Variants in MXRA5 observed in about 807,000 individuals in gnomAD.
MXRA5 encodes matrix remodeling associated 5, also known as matrix-remodeling-associated protein 5.
Under a neutral mutation model 112.5 loss-of-function variants are expected in MXRA5, and 41 were observed. The observed-to-expected ratio is 0.36, with a 90% confidence interval of 0.28 to 0.47. MXRA5 has a LOEUF of 0.47. Among genes scored for constraint, MXRA5 ranks in the 20% least tolerant of loss-of-function variants. The probability of loss-of-function intolerance (pLI) is 0.99; values close to 1 mark genes in which losing one functional copy is unlikely to be tolerated. For synonymous variants in MXRA5, 862 were observed against 900.8 expected, an observed-to-expected ratio of 0.96 and a Z score of 0.77; for missense variants, 2,150 against 2,251.0, an observed-to-expected ratio of 0.96 and a Z score of 0.91.
Position 3,320,000 on chromosome X carries a change from C to T in MXRA5, c.5677+8G>A. On this transcript the variant is annotated splice_region_variant and intron_variant, in intron 5 of 6. Coordinates refer to ENST00000217939, the MANE Select transcript of MXRA5 (RefSeq NM_015419.4). ...AAAAAAAAAAAAGTAGATGCTTAAA[C>T]ATCTTACCTGTGGAAACCTTTGTCC... The T allele has an allele frequency of 6.2e-6, 7 of 1,136,041 alleles. No homozygotes were observed. The South Asian group carries it at 6.3e-5, about 10-fold the overall frequency. The allele number at this position is 1,136,041 out of a possible 1,213,427, so 93.6% of individuals were successfully genotyped here. A position where few individuals can be genotyped will look rare whatever the true frequency, so the allele number is the denominator to read the frequency against.
chrX:3,312,660 C>A (rs181136019), intron 6 of MXRA5, among the ~76,000 whole-genome samples: 11 of 108,784 alleles, frequency 1.0e-4, no homozygotes, highest in Middle Eastern at 4.8e-3. Flanking sequence ...CTCTTGGACT[C>A]AAGGGACACT....
Position 3,310,597 on chromosome X carries a change from G to C in MXRA5, c.7606C>G (p.Leu2536Val), listed in dbSNP as rs769844607. ...AAGATGGGTTTCTCCATGGGCTCCAGGACAGTGAGCTGCAGGATCAACCTG... is the reference window on the plus strand; with the variant it reads ...AAGATGGGTTTCTCCATGGGCTCCACGACAGTGAGCTGCAGGATCAACCTG... Reference protein sequence around the residue: ...EARLILQLTVLEPMEKPIFHD... With the variant: ...EARLILQLTVVEPMEKPIFHD... Residue 2536 changes from leucine (L) to valine (V), a missense_variant, in exon 7 of 7, where the codon CTG becomes GTG. Around this residue, in one of 6 missense-constraint regions of MXRA5, gnomAD observed 93 missense variants for 135.5 expected, o/e 0.69. Coordinates refer to ENST00000217939, the MANE Select transcript of MXRA5 (RefSeq NM_015419.4). 5 of 929,703 alleles carry C rather than the reference G, an allele frequency of 5.4e-6. No homozygotes were observed. In the African/African-American group the frequency reaches 8.3e-5, roughly 15 times the overall value. The allele number at this position is 929,703 out of a possible 1,213,427, so 76.6% of individuals were successfully genotyped here.
chrX:3,325,830 T>C (rs1439459483), intron 4 of MXRA5, among the ~76,000 whole-genome samples: 1 of 63,408 alleles, frequency 1.6e-5, no homozygotes, highest in Non-Finnish European at 3.5e-5. Context: ...AAATATATAA[T>C]AATATATTTA....
chrX:3,318,583 G>T (rs764027018), intron 5 of MXRA5, among the ~76,000 whole-genome samples: 6 of 112,510 alleles, frequency 5.3e-5, no homozygotes, highest in Non-Finnish European at 1.1e-4. Context: ...TACACTGTTG[G>T]TGGGAATGTA....
intron 2 of MXRA5, among the ~76,000 whole-genome samples, chrX:3,340,029 A>G (rs766891261): frequency 1.8e-5 from 2 of 108,891 alleles, no homozygotes; most frequent in Non-Finnish European, 3.8e-5. Context: ...GAAAGGCATC[A>G]TCAAAACCAG....
Position 3,330,343 on chromosome X carries a change from G to A in MXRA5, c.384C>T (p.Asn128=). Residue 128 remains asparagine (N), a synonymous_variant, in exon 4 of 7, where the codon AAC becomes AAT. Transcript: ENST00000217939. ...TGTGGTCAATGTGCAGCCTCATTAA[G>A]TTAGAGAGACCCTGGAGGGTCTGTC... ...ITGQTLQGLS[N]LMRLHIDHNK... The A allele has an allele frequency of 8.3e-7, 1 of 1,210,602 alleles. No homozygotes were observed. Among genetic ancestry groups the A allele is most frequent in the Non-Finnish European group, 1.1e-6 (1 of 894,867 alleles).
Position 3,324,208 on chromosome X carries a change from C to G in MXRA5, c.1477G>C (p.Glu493Gln), listed in dbSNP as rs867295958. The G allele has an allele frequency of 8.3e-7, 1 of 1,209,835 alleles. No homozygotes were observed. Among genetic ancestry groups the G allele is most frequent in the Admixed American group, 2.2e-5 (1 of 45,676 alleles). The change falls in exon 5 of 7, where the codon GAA becomes CAA. Residue 493 changes from glutamate (E) to glutamine (Q), a missense_variant. This residue lies in a region of MXRA5 where 386 missense variants were observed against 411.0 expected (regional missense o/e 0.94). Transcript: ENST00000217939. ...CAGCTCAACTGGCATGGACCCCCTTCCAGGACAGTCTGATCTCTTTGCACA... is the reference window on the plus strand; with the variant it reads ...CAGCTCAACTGGCATGGACCCCCTTGCAGGACAGTCTGATCTCTTTGCACA... The part of the protein sequence containing the change: ...GAVQRDQTVL[E>Q]GGPCQLSCNV...
intron 2 of MXRA5, among the ~76,000 whole-genome samples, chrX:3,333,949 G>A (rs1044186271): frequency 4.5e-5 from 5 of 111,304 alleles, no homozygotes; most frequent in African/African-American, 1.6e-4. Context: ...GTAGACGTGA[G>A]ATCCTTAGAG....
intron 2 of MXRA5, among the ~76,000 whole-genome samples, chrX:3,332,968 CA>C (rs964839955): frequency 8.1e-5 from 9 of 110,757 alleles, no homozygotes; most frequent in African/African-American, 9.9e-5. Context: ...ACCTAAACCC[CA>C]TGAAGCAGGC....
At position 3,310,119 on chromosome X, in the gene MXRA5, G is replaced by T. The variant is rs752300445; in HGVS notation, c.8084C>A (p.Thr2695Asn). 1.7e-6 allele frequency: 2 copies of T among 1,211,643 alleles called. No homozygotes were observed. The highest frequency in any genetic ancestry group is 2.2e-6 in the Non-Finnish European group (2 of 895,358). Residue 2695 changes from threonine (T) to asparagine (N), a missense_variant, in exon 7 of 7, where the codon ACC (threonine) becomes AAC (asparagine). Around this residue, in one of 6 missense-constraint regions of MXRA5, gnomAD observed 178 missense variants for 198.2 expected, o/e 0.90. Coordinates refer to ENST00000217939, the MANE Select transcript of MXRA5 (RefSeq NM_015419.4). ...LGRVSLLDNG[T>N]LTVREASVFD... is the part of the protein sequence containing the mutation. ...CACCGAGGCCTCACGAACCGTGAGGGTGCCATTGTCCAGAAGAGAAACGCG... is the reference window on the plus strand; with the variant it reads ...CACCGAGGCCTCACGAACCGTGAGGTTGCCATTGTCCAGAAGAGAAACGCG...
chrX:3,312,683 T>A (rs1402069298), intron 6 of MXRA5, among the ~76,000 whole-genome samples: 1 of 109,626 alleles, frequency 9.1e-6, no homozygotes, highest in Non-Finnish European at 1.9e-5. Flanking sequence ...CATCTCAGCC[T>A]CCTGAGTAGC....
rs1480820140 is a variant in MXRA5 at position 3,320,880 on chromosome X, G to A, written c.4805C>T (p.Ser1602Phe). The A allele has an allele frequency of 2.5e-6, 3 of 1,210,139 alleles. No individual in the cohort carries two copies. In the African/African-American group the frequency reaches 5.2e-5, roughly 21 times the overall value. Reference sequence around the variant, plus strand: ...GGCAGGGACTCTGGTTAGTTGATGAGAAGCATGAACTCTTCCATCCTGGCG... The same window carrying A: ...GGCAGGGACTCTGGTTAGTTGATGAAAAGCATGAACTCTTCCATCCTGGCG... Reference protein sequence around the residue: ...SQRQDGRVHASHQLTRVPAKP... With the variant: ...SQRQDGRVHAFHQLTRVPAKP... The change falls in exon 5 of 7, where the codon TCT (serine) becomes TTT (phenylalanine). Residue 1602 changes from serine to phenylalanine, a missense_variant. Transcript: ENST00000217939.
rs146100135 is a variant in MXRA5, at chrX:3,321,424, C to T, written c.4261G>A (p.Glu1421Lys). ...KELEDVDFTSEFLSSLTVSTP... is the reference protein window; with the variant it reads ...KELEDVDFTSKFLSSLTVSTP... ...GAGACTGTCAAAGAGGACAAAAACTCGGAAGTGAAATCCACATCCTCAAGC... is the reference window on the plus strand; with the variant it reads ...GAGACTGTCAAAGAGGACAAAAACTTGGAAGTGAAATCCACATCCTCAAGC... The change falls in exon 5 of 7, where the codon GAG becomes AAG. Residue 1421 changes from glutamate to lysine, a missense_variant. This residue lies in a region of MXRA5 where 1,485 missense variants were observed against 1,471.6 expected (regional missense o/e 1.01). Transcript: ENST00000217939. 4.9e-4 allele frequency: 587 copies of T among 1,209,714 alleles called. No individual in the cohort carries two copies. Among genetic ancestry groups the T allele is most frequent in the Admixed American group, 3.1e-3 (141 of 45,717 alleles).
chrX:3,321,256 T>C lies in MXRA5; in HGVS notation c.4429A>G (p.Arg1477Gly), dbSNP rs1217762772. The C allele has an allele frequency of 9.9e-6, 12 of 1,209,706 alleles. No individual in the cohort carries two copies. Among genetic ancestry groups the C allele is most frequent in the Admixed American group, 2.2e-5 (1 of 45,677 alleles). ...TTVAILLSET[R>G]PQNHTPTAAR... ...GCAGTAGGGGTGTGATTCTGTGGTC[T>C]AGTTTCAGAAAGGAGAATAGCCACA... The change falls in exon 5 of 7, where the codon AGA becomes GGA. Residue 1477 changes from arginine (R) to glycine (G), a missense_variant. This residue lies in a region of MXRA5 where 1,485 missense variants were observed against 1,471.6 expected (regional missense o/e 1.01). Transcript: ENST00000217939.
chrX:3,342,062 A>T (rs973412909), intron 2 of MXRA5, among the ~76,000 whole-genome samples: 1 of 110,680 alleles, frequency 9.0e-6, no homozygotes, highest in Non-Finnish European at 1.9e-5. Context: ...TGCAGCCATA[A>T]AAAGGAAGGA....
Position 3,310,183 on chromosome X carries a change from G to A in MXRA5, c.8020C>T (p.Pro2674Ser), listed in dbSNP as rs267606436. The A allele has an allele frequency of 8.3e-7, 1 of 1,211,675 alleles. No individual in the cohort carries two copies. Among genetic ancestry groups the A allele is most frequent in the East Asian group, 3.0e-5 (1 of 33,828 alleles). Reference sequence around the variant, plus strand: ...GGGCCCTCCAGATGCATGCCATTGGGGAGCGTCCAGGAGAAACGTCCCTGC... The same window carrying A: ...GGGCCCTCCAGATGCATGCCATTGGAGAGCGTCCAGGAGAAACGTCCCTGC... Reference protein sequence around the residue: ...AGQGRFSWTLPNGMHLEGPQT... With the variant: ...AGQGRFSWTLSNGMHLEGPQT... The change falls in exon 7 of 7, where the codon CCC (proline) becomes TCC (serine). Residue 2674 changes from proline to serine, a missense_variant. Pro to Ser is a moderately conservative substitution (Grantham distance 74, BLOSUM62 -1). This residue lies in a region of MXRA5 where 178 missense variants were observed against 198.2 expected (regional missense o/e 0.90). Transcript: ENST00000217939.
intron 2 of MXRA5, among the ~76,000 whole-genome samples, chrX:3,335,661 G>A (rs1159062736): frequency 1.8e-5 from 2 of 112,372 alleles, no homozygotes; most frequent in Non-Finnish European, 3.8e-5. Flanking sequence ...ACAGCCATGA[G>A]GAAAAATGCA....
At chrX:3,326,263 ATATC>A (rs1169848979) in intron 4 of MXRA5, among the ~76,000 whole-genome samples, 5 of 44,374 alleles carry the variant, frequency 1.1e-4, no homozygotes, top group South Asian at 1.8e-3. Context: ...CTGGGTAACT[ATATC>A]TATATTTATA....
chrX:3,339,695 G>A (rs1275186964), intron 2 of MXRA5, among the ~76,000 whole-genome samples: 1 of 111,703 alleles, frequency 9.0e-6, no homozygotes, highest in Non-Finnish European at 1.9e-5. Context: ...CCCCCTCTCA[G>A]AACCCAAGGG....
Sources: gnomAD v4.1 joint callset for allele counts (sites outside exome capture counted in the v4.1 genomes callset) on GRCh38, gnomAD v4.1.1 for gene constraint, gnomAD v4.1.1 regional missense constraint, MANE v1.5 for transcripts, NCBI Gene and HGNC (gene_info 2026-07-23, HGNC 2026-07-21) for gene names.